Variants in DENND10 observed in about 807,000 individuals in gnomAD.
DENND10 encodes DENN domain-containing protein 10.
DENND10 carries 24 observed loss-of-function variants against 43.6 expected under a neutral mutation model. The observed-to-expected ratio is 0.55, with a 90% CI of 0.40 to 0.77. The LOEUF is 0.77. DENND10 is among the 30% of genes least tolerant of loss of function. The pLI is 0.00. For missense variants in DENND10, 303 were observed against 429.9 expected (o/e 0.70, Z 2.61); for synonymous variants, 125 against 157.6 (o/e 0.79, Z 1.55).
intron 8 of DENND10, among the ~76,000 whole-genome samples, chr10:119,135,791 T>TAAAAAAAAAAAAA (rs367836571): frequency 0.036 from 2,311 of 63,698 alleles, 152 homozygotes; most frequent in Non-Finnish European, 0.045. Context: ...ACTAAAATTG[T>TAAAAAAAAAAAAA]AAAAAAAAAA....
chr10:119,124,799 CA>C (rs1175387064), intron 6 of DENND10, among the ~76,000 whole-genome samples: 2 of 151,914 alleles, frequency 1.3e-5, no homozygotes, highest in Middle Eastern at 3.2e-3. Flanking sequence ...CAGTGGCTCA[CA>C]CCTGTAATCC....
intron 6 of DENND10, among the ~76,000 whole-genome samples, chr10:119,126,994 G>T (rs1165530107): frequency 1.3e-5 from 2 of 151,302 alleles, no homozygotes; most frequent in Admixed American, 6.6e-5. Context: ...CACTTCCTGG[G>T]CTTAAGCCAT....
chr10:119,105,717 G>C (rs540829578), intron 1 of DENND10: 2 of 168,646 alleles, frequency 1.2e-5, no homozygotes, highest in African/African-American at 4.8e-5. Context: ...AGCCAGCCTG[G>C]GCAATGTGGT....
At position 119,120,588 on chromosome 10, in the gene DENND10, T is replaced by A. The variant is rs1845524811; in HGVS notation, c.593+136T>A. On this transcript the variant is annotated intron_variant, in intron 5 of 8. Coordinates refer to ENST00000361432, the MANE Select transcript of DENND10 (RefSeq NM_207009.4). ...TGAAATACCACCTTTGGTCTGAAGTTTCTGTTTAGCTCTAGTAGTTCAAGG... is the reference window on the plus strand; with the variant it reads ...TGAAATACCACCTTTGGTCTGAAGTATCTGTTTAGCTCTAGTAGTTCAAGG... 4 of 649,814 alleles carry A rather than the reference T, an allele frequency of 6.2e-6. No homozygotes were observed. The South Asian group carries it at 7.2e-5, about 12-fold the overall frequency. 40.3% of individuals were successfully genotyped at this position (649,814 alleles called of 1,614,324 possible). A position where few individuals can be genotyped will look rare whatever the true frequency, so the allele number is the denominator to read the frequency against.
At position 119,115,481 on chromosome 10, in the gene DENND10, G is replaced by T. The variant is rs867698363; in HGVS notation, c.333-2038G>T. On this transcript the variant is annotated intron_variant, in intron 3 of 8. Coordinates refer to ENST00000361432, the MANE Select transcript of DENND10 (RefSeq NM_207009.4). Reference sequence around the variant, plus strand: ...CGGCTCACTGCAAGCTCCGCCTCCCGGGTTCACGCCATTCTCCTGCCTCAG... The same window carrying T: ...CGGCTCACTGCAAGCTCCGCCTCCCTGGTTCACGCCATTCTCCTGCCTCAG... Among the ~76,000 whole-genome samples the T allele has an allele frequency of 2.9e-5, 3 of 103,708 alleles. No homozygotes were observed. The Admixed American group carries it at 3.6e-4, about 12-fold the overall frequency. 68.0% of individuals were successfully genotyped at this position (103,708 alleles called of 152,430 possible).
At chr10:119,112,279 C>T (rs965732924) in intron 3 of DENND10, among the ~76,000 whole-genome samples, 7 of 152,092 alleles carry the variant, frequency 4.6e-5, no homozygotes, top group Admixed American at 2.6e-4. Flanking sequence ...TAAACTGGTT[C>T]GTATGTGTCA....
chr10:119,109,157 G>T (rs900745688), intron 2 of DENND10, among the ~76,000 whole-genome samples: 11 of 150,640 alleles, frequency 7.3e-5, no homozygotes, highest in African/African-American at 2.7e-4. Flanking sequence ...CAGAGGTTGT[G>T]GTGAGCTGTG....
intron 3 of DENND10, among the ~76,000 whole-genome samples, chr10:119,116,669 T>C (rs1272661759): frequency 0.15 from 413 of 2,760 alleles, no homozygotes; most frequent in Non-Finnish European, 0.39. Flanking sequence ...TTCTTTCTTT[T>C]TTTTTTTTTT....
At chr10:119,124,188 C>T (rs936597026) in intron 6 of DENND10, among the ~76,000 whole-genome samples, 1 of 143,374 alleles carries the variant, frequency 7.0e-6, no homozygotes, top group East Asian at 2.1e-4. Flanking sequence ...AGCAAAACTC[C>T]GTCTCAAAAA....
At position 119,123,663 on chromosome 10, in the gene DENND10, G is replaced by GC. The variant is rs1589735218; in HGVS notation, c.694+95dup. On this transcript the variant is annotated intron_variant, in intron 6 of 8. Coordinates refer to ENST00000361432, the MANE Select transcript of DENND10 (RefSeq NM_207009.4). ...TCACTCTTGTTGCCCAGGATGGAGT[G>GC]CAATGGCACGATCTTAGCTCACCGC... 8 of 930,656 alleles carry GC rather than the reference G, an allele frequency of 8.6e-6. No homozygotes were observed. The East Asian group carries it at 1.1e-4, about 12-fold the overall frequency. 57.6% of individuals were successfully genotyped at this position (930,656 alleles called of 1,614,324 possible). A position where few individuals can be genotyped will look rare whatever the true frequency, so the allele number is the denominator to read the frequency against.
rs189823506 is a variant in DENND10 at position 119,113,130 on chromosome 10, C to G, written c.332+1202C>G. Among the ~76,000 whole-genome samples the G allele has an allele frequency of 6.0e-5, 9 of 150,496 alleles. No individual in the cohort carries two copies. In the South Asian group the frequency reaches 1.9e-3, roughly 31 times the overall value. On this transcript the variant is annotated intron_variant, in intron 3 of 8. Transcript: ENST00000361432. ...CCTCCCAAAGTGCTGGGATTATAGGCGTGAGCCACCGCACCCTGCCTTGCA... is the reference window on the plus strand; with the variant it reads ...CCTCCCAAAGTGCTGGGATTATAGGGGTGAGCCACCGCACCCTGCCTTGCA...
At chr10:119,109,216 C>CAA (rs56064617) in intron 2 of DENND10, among the ~76,000 whole-genome samples, 43,682 of 128,846 alleles carry the variant, frequency 0.34, 7,786 homozygotes, top group Non-Finnish European at 0.4. Flanking sequence ...AACTCCGTCT[C>CAA]AAAAAAAAAA....
chr10:119,107,062 C>T lies in DENND10; in HGVS notation c.56-906C>T, dbSNP rs576833756. Among the ~76,000 whole-genome samples, 27 of 147,612 alleles carry T rather than the reference C, an allele frequency of 1.8e-4. 2 individuals are homozygous for T. Among genetic ancestry groups the T allele is most frequent in the South Asian group, 1.1e-3 (5 of 4,632 alleles). On this transcript the variant is annotated intron_variant, in intron 1 of 8. Transcript: ENST00000361432. ...CAAAACTCCATTTAAAGAATTATTC[C>T]GCCCAGCACTTTGGGAGGCCGAGGC...
intron 1 of DENND10, among the ~76,000 whole-genome samples, chr10:119,107,576 G>A (rs1844757197): frequency 6.6e-6 from 1 of 151,896 alleles, no homozygotes; most frequent in African/African-American, 2.4e-5. Context: ...GATAATTTTT[G>A]TATTATTAGT....
intron 7 of DENND10, among the ~76,000 whole-genome samples, chr10:119,130,636 A>G (rs1379919442): frequency 6.6e-6 from 1 of 152,192 alleles, no homozygotes; most frequent in Non-Finnish European, 1.5e-5. Context: ...CGGATCAGGA[A>G]TGACTTATGT....
chr10:119,109,303 A>G (rs1338081994), intron 2 of DENND10, among the ~76,000 whole-genome samples: 1 of 152,070 alleles, frequency 6.6e-6, no homozygotes. Context: ...TTTGATATGA[A>G]CAGTATCAGT....
rs1277214104 is a variant in DENND10, at chr10:119,132,030, CTT to C, written c.803-484_803-483del. The stretch of plus-strand genomic sequence containing the variant: ...GTAGCAATGTATGTAACCAGGCTAA[CTT>C]AGGTGGTTTCCTTTGCTCATTTCTA... On this transcript the variant is annotated intron_variant, in intron 7 of 8. Transcript: ENST00000361432. The surrounding 1 kb of genome is among the most constrained non-coding windows in gnomAD (Gnocchi z 4.2). 6.6e-6 allele frequency among the ~76,000 whole-genome samples: 1 copy of C among 152,200 alleles called. No homozygotes were observed. Among genetic ancestry groups the C allele is most frequent in the Non-Finnish European group, 1.5e-5 (1 of 68,038 alleles).
intron 6 of DENND10, among the ~76,000 whole-genome samples, chr10:119,128,330 C>T (rs1845921285): frequency 6.6e-6 from 1 of 151,962 alleles, no homozygotes; most frequent in African/African-American, 2.4e-5. Context: ...AACAAAAAGG[C>T]CAGGCACAGT....
intron 4 of DENND10, 134 bp downstream of exon 4, chr10:119,117,801 A>G: frequency 1.2e-6 from 1 of 815,362 alleles, no homozygotes; most frequent in Non-Finnish European, 1.8e-6. Context: ...CCTCGTCTCC[A>G]CTAAAAATAC....
Sources: gnomAD v4.1 joint callset for allele counts (sites outside exome capture counted in the v4.1 genomes callset) on GRCh38, gnomAD v4.1.1 for gene constraint, Gnocchi (gnomAD v3.1) non-coding constraint, MANE v1.5 for transcripts, NCBI Gene and HGNC (gene_info 2026-07-23, HGNC 2026-07-21) for gene names.